The following TTN variants were observed in gnomAD, a reference collection of about 807,000 sequenced individuals.
TTN encodes titin.
A neutral mutation model predicts 3,223.0 loss-of-function variants in TTN; 1,525 were observed. The ratio of observed to expected loss-of-function variants is 0.47; its 90% CI spans 0.45 to 0.49. The LOEUF (loss-of-function observed/expected upper bound fraction) is 0.49. Among genes scored for constraint, TTN ranks in the 20% least tolerant of loss-of-function variants. TTN has a pLI of 0.00. For synonymous variants in TTN, 14,094 were observed against 15,161.0 expected (o/e 0.93, Z 5.17); for missense variants, 40,786 against 43,424.0 (o/e 0.94, Z 5.40).
intron 112 of TTN, among the ~76,000 whole-genome samples, chr2:178,698,345 T>C (rs1482580394): frequency 6.6e-6 from 1 of 152,054 alleles, no homozygotes; most frequent in Non-Finnish European, 1.5e-5. Flanking sequence ...AATAGTGTAC[T>C]GTACATTTCA....
Position 178,695,976 on chromosome 2 carries a change from C to T in TTN, c.31096G>A (p.Glu10366Lys). Residue 10366 changes from glutamate (E) to lysine (K), a missense_variant, in exon 114 of 363, where the codon GAA (glutamate) becomes AAA (lysine). Transcript: ENST00000589042. ...VHEEWEEDFE[E>K]GQEYYEREEG... ...TCCCTTTCATAGTATTCTTGCCCTT[C>T]TTCAAAATCTTCTTCCCATTCCTCG... is the stretch of plus-strand genomic sequence containing the variant. 6.5e-7 allele frequency: 1 copy of T among 1,545,852 alleles called. No individual in the cohort carries two copies. The highest frequency in any genetic ancestry group is 8.7e-7 in the Non-Finnish European group (1 of 1,144,960).
chr2:178,708,441 C>A (rs963933618), intron 99 of TTN, among the ~76,000 whole-genome samples: 13 of 152,252 alleles, frequency 8.5e-5, no homozygotes, highest in African/African-American at 2.9e-4. Context: ...AGGCAATGTA[C>A]AACTCAGTAT....
At chr2:178,746,395 T>A in intron 47 of TTN, 2 of 1,609,690 alleles carry the variant, frequency 1.2e-6, no homozygotes, top group Non-Finnish European at 1.7e-6. Flanking sequence ...CAGGAGTAAA[T>A]TCGGGAACTG....
At position 178,599,644 on chromosome 2, in the gene TTN, G is replaced by C; in HGVS notation, c.56257C>G (p.Gln18753Glu). ...AAGCCAGTGTCACTCCTGCGAGACT[G>C]CGGAATAACTAAAGTGCAAGTATCA... ...VDDTCTLVIP[Q>E]SRRSDTGLYT... The change falls in exon 289 of 363, where the codon CAG (glutamine) becomes GAG (glutamate). Residue 18753 changes from glutamine to glutamate, a missense_variant. Gln to Glu is a conservative substitution (Grantham distance 29). Coordinates refer to ENST00000589042, the MANE Select transcript of TTN (RefSeq NM_001267550.2). 1 of 1,612,824 alleles carries C rather than the reference G, an allele frequency of 6.2e-7. No individual in the cohort carries two copies. Among genetic ancestry groups the C allele is most frequent in the South Asian group, 1.1e-5 (1 of 90,920 alleles).
Position 178,605,253 on chromosome 2 carries a change from G to C in TTN, c.53924C>G (p.Thr17975Ser), listed in dbSNP as rs727503605. Reference sequence around the variant, plus strand: ...AGGCTCTCCTGCCTTAACTTTGATAGTGTCTCCTCGAACACTCAGACGCAA... The same window carrying C: ...AGGCTCTCCTGCCTTAACTTTGATACTGTCTCCTCGAACACTCAGACGCAA... ...IKLRLSVRGD[T>S]IKVKAGEPVH... Residue 17975 changes from threonine to serine, a missense_variant, in exon 280 of 363, where the codon ACT becomes AGT. By Grantham distance (58) the Thr-to-Ser change is moderately conservative. Coordinates refer to ENST00000589042, the MANE Select transcript of TTN (RefSeq NM_001267550.2). 28 of 1,605,990 alleles carry C rather than the reference G, an allele frequency of 1.7e-5. No homozygotes were observed. The South Asian group carries it at 3.1e-4, about 18-fold the overall frequency.
rs2093693275 is a variant in TTN at position 178,795,035 on chromosome 2, C to T, written c.1132G>A (p.Gly378Arg). The T allele has an allele frequency of 4.3e-6, 7 of 1,613,140 alleles. No homozygotes were observed. Among genetic ancestry groups the T allele is most frequent in the Non-Finnish European group, 5.9e-6 (7 of 1,180,010 alleles). ...ACTTGCTCCTGGACACCGTATCTCC[C>T]TTCCCATCTCTCTTCTGTCCTGATC... The part of the protein sequence containing the change: ...TQIRTEERWE[G>R]RYGVQEQVTI... Residue 378 changes from glycine (G) to arginine (R), a missense_variant, in exon 7 of 363, where the codon GGG becomes AGG. Transcript: ENST00000589042.
Position 178,770,207 on chromosome 2 carries a change from C to G in TTN, c.8494G>C (p.Val2832Leu), listed in dbSNP as rs375549179. The change falls in exon 36 of 363, where the codon GTG becomes CTG. Residue 2832 changes from valine to leucine, a missense_variant. Transcript: ENST00000589042. ...TVPVKWFHKSVEIKPSDKHRL... is the reference protein window; with the variant it reads ...TVPVKWFHKSLEIKPSDKHRL... The stretch of plus-strand genomic sequence containing the variant: ...TGTTTGTCACTTGGCTTAATTTCCA[C>G]ACTCTTATGGAACCATTTTACTGGA... The G allele has an allele frequency of 1.3e-4, 217 of 1,614,034 alleles. No individual in the cohort carries two copies. The highest frequency in any genetic ancestry group is 1.8e-4 in the Non-Finnish European group (213 of 1,180,014).
rs768930172 is a variant in TTN at position 178,533,687 on chromosome 2, C to T, written c.102928G>A (p.Glu34310Lys). The change falls in exon 358 of 363, where the codon GAG becomes AAG. Residue 34310 changes from glutamate (E) to lysine (K), a missense_variant. Coordinates refer to ENST00000589042, the MANE Select transcript of TTN (RefSeq NM_001267550.2). ...AATTGGTAAAGACCCTTGTCTGACT[C>T]AAATGTGTACTTCTTGTCATTGTCA... ...PGDNDKKYTF[E>K]SDKGLYQLTI... 2.5e-6 allele frequency: 4 copies of T among 1,613,812 alleles called. No individual in the cohort carries two copies. The African/African-American group carries it at 4.0e-5, about 16-fold the overall frequency.
In TTN at chr2:178,680,045, C is replaced by T; in HGVS notation, c.33429G>A (p.Val11143=). Residue 11143 remains valine, a synonymous_variant, in exon 140 of 363, where the codon GTG becomes GTA. Coordinates refer to ENST00000589042, the MANE Select transcript of TTN (RefSeq NM_001267550.2). ...EVAPPVRVPE[V]PKELEPEEVA... Reference sequence around the variant, plus strand: ...CCTCTTCTGGTTCAAGTTCTTTAGGCACTTCTGGCACTTTAAAGATATTAT... The same window carrying T: ...CCTCTTCTGGTTCAAGTTCTTTAGGTACTTCTGGCACTTTAAAGATATTAT... 6.2e-7 allele frequency: 1 copy of T among 1,612,330 alleles called. No individual in the cohort carries two copies. Among genetic ancestry groups the T allele is most frequent in the Non-Finnish European group, 8.5e-7 (1 of 1,179,248 alleles).
chr2:178,616,269 C>CACAAG (rs376890023), intron 257 of TTN, among the ~76,000 whole-genome samples: 1 of 151,662 alleles, frequency 6.6e-6, no homozygotes, highest in Non-Finnish European at 1.5e-5. Flanking sequence ...TGGTAAGGCT[C>CACAAG]ACAAGACAAG....
In TTN at chr2:178,559,582, G is replaced by T. The variant is rs762837581; in HGVS notation, c.86550C>A (p.Thr28850=). 7.4e-6 allele frequency: 12 copies of T among 1,613,702 alleles called. No individual in the cohort carries two copies. In the African/African-American group the frequency reaches 1.6e-4, roughly 22 times the overall value. The change falls in exon 326 of 363, where the codon ACC becomes ACA. Residue 28850 remains threonine (T), a synonymous_variant. Coordinates refer to ENST00000589042, the MANE Select transcript of TTN (RefSeq NM_001267550.2). ...VKVLDTPGPP[T]NITVQDVTKE... is the part of the protein sequence containing the mutation. ...TGGTTACATCTTGCACAGTAATGTT[G>T]GTTGGAGGACCTGGGGTATCTAAAA... is the stretch of plus-strand genomic sequence containing the variant.
Position 178,563,665 on chromosome 2 carries a change from T to C in TTN, c.82467A>G (p.Thr27489=). ...SAITKDSMVV[T]WARPVDDGGT... is the part of the protein sequence containing the mutation. ...CTCCGTCGTCTACTGGGCGTGCCCA[T>C]GTTACTACCATAGAATCTTTGGTGA... Residue 27489 remains threonine, a synonymous_variant, in exon 326 of 363, where the codon ACA becomes ACG. Transcript: ENST00000589042. This position sits in a 1 kb window ranked among gnomAD's most constrained non-coding sequence, Gnocchi z 4.5. 1 of 1,613,804 alleles carries C rather than the reference T, an allele frequency of 6.2e-7. No individual in the cohort carries two copies.
chr2:178,677,361 T>TATATATATATATATATATATATATATA (rs1560296885), intron 146 of TTN, 74 bp from the exon 147 acceptor site: 10 of 515,020 alleles, frequency 1.9e-5, no homozygotes, highest in African/African-American at 1.8e-4. Context: ...TATATATATA[T>TATATATATATATATATATATATATATA]GAAAGAGACA....
intron 109 of TTN, 25 bp downstream of exon 109, chr2:178,702,015 G>C: frequency 6.2e-7 from 1 of 1,605,446 alleles, no homozygotes; most frequent in African/African-American, 1.3e-5. Context: ...TGTAAGCAAG[G>C]ATTGATTTTT....
Position 178,729,715 on chromosome 2 carries a change from C to G in TTN, c.18538G>C (p.Ala6180Pro). 1.2e-6 allele frequency: 2 copies of G among 1,613,760 alleles called. No homozygotes were observed. The highest frequency in any genetic ancestry group is 2.7e-5 in the African/African-American group (2 of 75,038). The change falls in exon 63 of 363, where the codon GCT (alanine) becomes CCT (proline). Residue 6180 changes from alanine (A) to proline (P), a missense_variant. Ala to Pro is a conservative substitution (Grantham distance 27, BLOSUM62 -1). Transcript: ENST00000589042. ...VENSGTYVCE[A>P]RNDAGTASCS... is the part of the protein sequence containing the mutation. ...CTCGCCGTGCCTGCGTCATTTCGAG[C>G]TTCACACACATAAGTCCCACTATTT...
Position 178,684,040 on chromosome 2 carries a change from A to G in TTN, c.32765T>C (p.Leu10922Pro). Residue 10922 changes from leucine to proline, a missense_variant, in exon 133 of 363, where the codon CTG (leucine) becomes CCG (proline). By Grantham distance (98) the Leu-to-Pro change is moderately conservative. Coordinates refer to ENST00000589042, the MANE Select transcript of TTN (RefSeq NM_001267550.2). ...CTCCTCTCTTTTAGGTTTGAGTTTCAGAACTTTTTCTTCTGGGACAGCTCT... is the reference window on the plus strand; with the variant it reads ...CTCCTCTCTTTTAGGTTTGAGTTTCGGAACTTTTTCTTCTGGGACAGCTCT... ...PKRAVPEEKV[L>P]KLKPKREEEP... The G allele has an allele frequency of 6.2e-7, 1 of 1,610,510 alleles. No individual in the cohort carries two copies. Among genetic ancestry groups the G allele is most frequent in the Non-Finnish European group, 8.5e-7 (1 of 1,178,564 alleles).
chr2:178,549,830 T>A lies in TTN; in HGVS notation c.91892A>T (p.Asn30631Ile). The A allele has an allele frequency of 1.3e-6, 2 of 1,592,298 alleles. No individual in the cohort carries two copies. The highest frequency in any genetic ancestry group is 1.7e-6 in the Non-Finnish European group (2 of 1,167,726). ...CAGAGTCATCTTCTCCCCAGTAATATTGGTGAATCTTATTGGCCCAACTAC... is the reference window on the plus strand; with the variant it reads ...CAGAGTCATCTTCTCCCCAGTAATAATGGTGAATCTTATTGGCCCAACTAC... ...GKVVGPIRFT[N>I]ITGEKMTLWW... The change falls in exon 338 of 363, where the codon AAT becomes ATT. Residue 30631 changes from asparagine (N) to isoleucine (I), a missense_variant. Transcript: ENST00000589042.
chr2:178,582,165 G>C lies in TTN; in HGVS notation c.66204C>G (p.Thr22068=). ...TCCAGCTGACTGTCATGTGATCTTTGGTTATGTTGCTAATAACAGGAGGAT... is the reference window on the plus strand; with the variant it reads ...TCCAGCTGACTGTCATGTGATCTTTCGTTATGTTGCTAATAACAGGAGGAT... ...RCDPPVISNI[T]KDHMTVSWKP... The change falls in exon 315 of 363, where the codon ACC becomes ACG. Residue 22068 remains threonine, a synonymous_variant. Coordinates refer to ENST00000589042, the MANE Select transcript of TTN (RefSeq NM_001267550.2). 1 of 1,612,640 alleles carries C rather than the reference G, an allele frequency of 6.2e-7. No homozygotes were observed. Among genetic ancestry groups the C allele is most frequent in the Non-Finnish European group, 8.5e-7 (1 of 1,179,490 alleles).
Position 178,725,477 on chromosome 2 carries a change from A to T in TTN, c.20727T>A (p.Val6909=), listed in dbSNP as rs2079178014. The part of the protein sequence containing the change: ...ENIRITFVEN[V]ATLQFAKAEP... ...CTGCTTTTGCAAACTGTAGAGTTGC[A>T]ACATTTTCCACAAATGTAATCCTGA... Residue 6909 remains valine, a synonymous_variant, in exon 71 of 363, where the codon GTT becomes GTA. Transcript: ENST00000589042. 1.2e-6 allele frequency: 2 copies of T among 1,613,264 alleles called. No homozygotes were observed. Among genetic ancestry groups the T allele is most frequent in the Non-Finnish European group, 1.7e-6 (2 of 1,179,548 alleles).
Sources: allele counts gnomAD v4.1 joint callset (sites outside exome capture counted in the v4.1 genomes callset), GRCh38; gene constraint gnomAD v4.1.1; non-coding constraint Gnocchi (gnomAD v3.1); transcripts MANE v1.5; gene names NCBI Gene and HGNC (gene_info 2026-07-23, HGNC 2026-07-21).